KALRN: variants seen among roughly 807,000 people sequenced by gnomAD.
KALRN encodes the protein kalirin RhoGEF kinase, also known as kalirin.
Under a neutral mutation model 353.7 loss-of-function variants are expected in KALRN, and 70 were observed. The observed-to-expected ratio is 0.20, with a 90% CI of 0.16 to 0.24. The LOEUF (loss-of-function observed/expected upper bound fraction) is 0.24. Among genes scored for constraint, KALRN ranks in the 10% least tolerant of loss-of-function variants. The pLI, the probability that KALRN is intolerant of heterozygous loss-of-function variation, is 1.00. For synonymous variants in KALRN, 1,391 were observed against 1,434.8 expected, an observed-to-expected ratio of 0.97 and a Z score of 0.69; for missense variants, 2,791 against 3,756.7, an observed-to-expected ratio of 0.74 and a Z score of 6.72.
intron 1 of KALRN, among the ~76,000 whole-genome samples, chr3:124,037,465 G>T (rs190444901): frequency 6.6e-6 from 1 of 152,168 alleles, no homozygotes; most frequent in Admixed American, 6.5e-5. Context: ...AATAGGGAGA[G>T]TCTTGAAAGC....
intron 33 of KALRN, among the ~76,000 whole-genome samples, chr3:124,560,871 T>C (rs2071908881): frequency 6.6e-6 from 1 of 152,166 alleles, no homozygotes; most frequent in South Asian, 2.1e-4. Flanking sequence ...AATGAGACCC[T>C]GTCTGGGGGC....
chr3:124,440,938 A>T (rs2093647731), intron 18 of KALRN, among the ~76,000 whole-genome samples: 1 of 151,658 alleles, frequency 6.6e-6, no homozygotes, highest in Admixed American at 6.6e-5. Flanking sequence ...TCTGGGCACC[A>T]GTCTTGTCCA....
chr3:124,538,435 T>C (rs2068727659), intron 33 of KALRN, among the ~76,000 whole-genome samples: 1 of 152,144 alleles, frequency 6.6e-6, no homozygotes, highest in Non-Finnish European at 1.5e-5. Context: ...TGTGTGTGCA[T>C]TGTGAATAAG....
At chr3:124,472,465 G>A (rs900904873) in intron 25 of KALRN, among the ~76,000 whole-genome samples, 1 of 152,154 alleles carries the variant, frequency 6.6e-6, no homozygotes, top group Non-Finnish European at 1.5e-5. Flanking sequence ...CAAGGCAAGA[G>A]GACTGCTTGA....
At chr3:124,481,505 C>T (rs989727134) in intron 27 of KALRN, among the ~76,000 whole-genome samples, 12 of 152,202 alleles carry the variant, frequency 7.9e-5, no homozygotes, top group African/African-American at 2.4e-4. Flanking sequence ...CCATGCCCCG[C>T]CTGTTTTTTC....
At chr3:124,160,582 T>C (rs182733518) in intron 1 of KALRN, among the ~76,000 whole-genome samples, 1 of 152,140 alleles carries the variant, frequency 6.6e-6, no homozygotes, top group Non-Finnish European at 1.5e-5. Flanking sequence ...TCTTTTTTTT[T>C]TCTGGGCCAT....
At chr3:124,306,101 G>A (rs1007328589) in intron 6 of KALRN, among the ~76,000 whole-genome samples, 1 of 151,974 alleles carries the variant, frequency 6.6e-6, no homozygotes, top group African/African-American at 2.4e-5. Context: ...TTGAAATAGG[G>A]TCTTGCTCTA....
At chr3:124,474,628 G>A (rs2061273114) in intron 25 of KALRN, 35 bp from the exon 26 acceptor site, 2 of 1,574,928 alleles carry the variant, frequency 1.3e-6, no homozygotes, top group Non-Finnish European at 1.7e-6. Flanking sequence ...CAGCTGCACA[G>A]AGGTGTCTGA....
At chr3:124,166,311 A>G (rs1429908744) in intron 1 of KALRN, among the ~76,000 whole-genome samples, 1 of 152,162 alleles carries the variant, frequency 6.6e-6, no homozygotes, top group East Asian at 1.9e-4. Flanking sequence ...CAAATATTGA[A>G]CAGATGAAGG....
chr3:124,370,519 A>G (rs1333418062), intron 10 of KALRN, among the ~76,000 whole-genome samples: 1 of 152,208 alleles, frequency 6.6e-6, no homozygotes, highest in Non-Finnish European at 1.5e-5. Context: ...GAGCATCCCA[A>G]GAAACCGTTG....
At chr3:124,592,130 C>T (rs569673605) in intron 34 of KALRN, among the ~76,000 whole-genome samples, 2 of 151,930 alleles carry the variant, frequency 1.3e-5, no homozygotes, top group Admixed American at 6.6e-5. Context: ...GTGAAACCCC[C>T]GTCTCTACTA....
At chr3:124,275,160 G>C (rs915411424) in intron 5 of KALRN, among the ~76,000 whole-genome samples, 1 of 152,138 alleles carries the variant, frequency 6.6e-6, no homozygotes, top group African/African-American at 2.4e-5. Context: ...AGGAGAAGTG[G>C]GGTGGCCACG....
chr3:124,393,370 G>A lies in KALRN; in HGVS notation c.1963-1765G>A, dbSNP rs9830801. On this transcript the variant is annotated intron_variant, in intron 11 of 59. Coordinates refer to ENST00000682506, the MANE Select transcript of KALRN (RefSeq NM_001388419.1). ...AATGTGTTTTCTCTCTAGAAAAAACGACAGCCAGAAAATATGAAGTGACAT... is the reference window on the plus strand; with the variant it reads ...AATGTGTTTTCTCTCTAGAAAAAACAACAGCCAGAAAATATGAAGTGACAT... Among the ~76,000 whole-genome samples, 1,427 of 152,232 alleles carry A rather than the reference G, an allele frequency of 9.4e-3. 22 individuals carry two copies. Among genetic ancestry groups the A allele is most frequent in the African/African-American group, 0.032 (1,331 of 41,532 alleles).
At chr3:124,679,567 A>G in intron 51 of KALRN, 50 bp downstream of exon 51, 1 of 1,477,528 alleles carries the variant, frequency 6.8e-7, no homozygotes, top group Non-Finnish European at 9.5e-7. Flanking sequence ...GCCTTTTTTG[A>G]TGTGTTCTGT....
chr3:124,419,096 G>A (rs1291319874), intron 14 of KALRN, among the ~76,000 whole-genome samples: 6 of 151,890 alleles, frequency 4.0e-5, no homozygotes, highest in African/African-American at 1.5e-4. Context: ...ATTCTCTGCT[G>A]AGTCTGATGT....
At chr3:124,716,439 G>A (rs756396563) in intron 58 of KALRN, among the ~76,000 whole-genome samples, 4 of 152,182 alleles carry the variant, frequency 2.6e-5, no homozygotes, top group Non-Finnish European at 5.9e-5. Flanking sequence ...CACCAGAATC[G>A]CTTGAACCTG....
intron 5 of KALRN, among the ~76,000 whole-genome samples, chr3:124,280,547 T>C (rs2075245723): frequency 6.6e-6 from 1 of 152,096 alleles, no homozygotes; most frequent in Non-Finnish European, 1.5e-5. Flanking sequence ...CTGGGACCAG[T>C]TTTTCAAGTG....
chr3:124,293,716 CATTA>C (rs1369960194), intron 5 of KALRN, among the ~76,000 whole-genome samples: 2 of 152,008 alleles, frequency 1.3e-5, no homozygotes, highest in African/African-American at 4.8e-5. Context: ...GATACAATTT[CATTA>C]TTTAGACACG....
At chr3:124,284,601 T>C (rs2149072126) in intron 5 of KALRN, among the ~76,000 whole-genome samples, 1 of 152,266 alleles carries the variant, frequency 6.6e-6, no homozygotes, top group South Asian at 2.1e-4. Flanking sequence ...ATTAACAGAA[T>C]ATGGAATGTG....
Sources: allele counts gnomAD v4.1 joint callset (sites outside exome capture counted in the v4.1 genomes callset), GRCh38; gene constraint gnomAD v4.1.1; transcripts MANE v1.5; gene names NCBI Gene and HGNC (gene_info 2026-07-23, HGNC 2026-07-21).